Variants in SCRN3 observed in about 807,000 individuals in gnomAD.
SCRN3 encodes secernin 3, also known as secernin-3.
In SCRN3, 39 loss-of-function variants were observed where a neutral mutation model predicts 43.1. The ratio of observed to expected loss-of-function variants is 0.91; its 90% confidence interval spans 0.70 to 1.18. The LOEUF (loss-of-function observed/expected upper bound fraction) is 1.18, where lower values mean the gene tolerates loss of function less well. SCRN3 is among the 50% of genes most tolerant of loss of function. The probability of loss-of-function intolerance (pLI) is 0.00; values close to 1 mark genes in which losing one functional copy is unlikely to be tolerated. For synonymous variants in SCRN3, 147 were observed against 163.1 expected, an observed-to-expected ratio of 0.90 and a Z score of 0.75; for missense variants, 484 against 498.0, an observed-to-expected ratio of 0.97 and a Z score of 0.27.
At chr2:174,426,977 C>T (rs1392645417) in intron 7 of SCRN3, among the ~76,000 whole-genome samples, 12 of 151,890 alleles carry the variant, frequency 7.9e-5, no homozygotes, top group Non-Finnish European at 1.3e-4. Context: ...GGACTACAGG[C>T]GTGCGCCACC....
At chr2:174,424,416 C>A (rs3739150) in intron 6 of SCRN3, 59 bp from the exon 7 acceptor site, 372,823 of 1,212,356 alleles carry the variant, frequency 0.31, 60,318 homozygotes, top group Middle Eastern at 0.47. Context: ...AAGACTTAGA[C>A]TAACACTGAA....
intron 1 of SCRN3, 168 bp downstream of exon 1, chr2:174,395,985 C>A: frequency 7.3e-7 from 1 of 1,379,266 alleles, no homozygotes; most frequent in Non-Finnish European, 9.3e-7. Context: ...GCCCTTCGAC[C>A]AAAGGTGCTT....
At chr2:174,397,737 A>C (rs1685372028) in intron 1 of SCRN3, among the ~76,000 whole-genome samples, 3 of 152,212 alleles carry the variant, frequency 2.0e-5, no homozygotes, top group Non-Finnish European at 4.4e-5. Flanking sequence ...CACGAATGTA[A>C]TGGAATCTAG....
rs577516334 is a variant in SCRN3, at chr2:174,408,488, T to C, written c.754+4173T>C. ...AAGTTAATATTGTTATGTGTGAATT[T>C]GATCCTGTCATTATGATGATAGCTG... On this transcript the variant is annotated intron_variant, in intron 5 of 7. Coordinates refer to ENST00000272732, the MANE Select transcript of SCRN3 (RefSeq NM_024583.5). 9.7e-3 allele frequency among the ~76,000 whole-genome samples: 1,453 copies of C among 149,708 alleles called. 31 individuals are homozygous for C. Among genetic ancestry groups the C allele is most frequent in the African/African-American group, 0.033 (1,377 of 41,180 alleles).
intron 5 of SCRN3, among the ~76,000 whole-genome samples, chr2:174,415,411 T>C (rs977331775): frequency 2.0e-5 from 3 of 152,194 alleles, no homozygotes; most frequent in Non-Finnish European, 2.9e-5. Context: ...TACTGAAAAT[T>C]TGTAATTGCT....
intron 5 of SCRN3, among the ~76,000 whole-genome samples, chr2:174,406,747 A>C (rs1685709570): frequency 7.4e-6 from 1 of 135,248 alleles, no homozygotes; most frequent in African/African-American, 2.6e-5. Flanking sequence ...CTCTGTTTAT[A>C]TGCTGGATTA....
intron 3 of SCRN3, among the ~76,000 whole-genome samples, chr2:174,400,722 T>C (rs529264787): frequency 2.6e-5 from 4 of 152,342 alleles, no homozygotes; most frequent in Admixed American, 1.3e-4. Context: ...GTGCTCATTT[T>C]ACAAATGAGA....
chr2:174,398,239 G>GT lies in SCRN3; in HGVS notation c.-9-34dup, dbSNP rs775411044. The GT allele has an allele frequency of 2.2e-3, 2,860 of 1,321,908 alleles. 51 individuals carry two copies. The African/African-American group carries it at 0.033, about 15-fold the overall frequency. 81.9% of individuals were successfully genotyped at this position (1,321,908 alleles called of 1,614,324 possible). A position where few individuals can be genotyped will look rare whatever the true frequency, so the allele number is the denominator to read the frequency against. Reference sequence around the variant, plus strand: ...TCTTTATTTTTATATACTTAAAAGTGTTCTTTTTATTTTAAAACATCTGTA... The same window carrying GT: ...TCTTTATTTTTATATACTTAAAAGTGTTTCTTTTTATTTTAAAACATCTGTA... On this transcript the variant is annotated intron_variant, in intron 1 of 7. Coordinates refer to ENST00000272732, the MANE Select transcript of SCRN3 (RefSeq NM_024583.5).
At chr2:174,418,198 A>C (rs1266290343) in intron 5 of SCRN3, among the ~76,000 whole-genome samples, 2 of 152,236 alleles carry the variant, frequency 1.3e-5, no homozygotes, top group African/African-American at 4.8e-5. Flanking sequence ...TGATTATAGG[A>C]ATAGATGCAT....
At chr2:174,406,911 T>G (rs535349076) in intron 5 of SCRN3, among the ~76,000 whole-genome samples, 16,527 of 119,514 alleles carry the variant, frequency 0.14, 1,696 homozygotes, top group Non-Finnish European at 0.22. Flanking sequence ...GATATTGGTC[T>G]AAAATTCTCT....
chr2:174,398,167 T>C (rs1685386403), intron 1 of SCRN3, 108 bp from the exon 2 acceptor site: 19 of 656,870 alleles, frequency 2.9e-5, no homozygotes, highest in Non-Finnish European at 4.3e-5. Flanking sequence ...TTAATGAACA[T>C]CCTTAATTAG....
In SCRN3 at chr2:174,428,544, T is replaced by C. The variant is rs1372095328; in HGVS notation, c.*649T>C. 6.6e-6 allele frequency: 1 copy of C among 152,318 alleles called. No homozygotes were observed. The highest frequency in any genetic ancestry group is 1.5e-5 in the Non-Finnish European group (1 of 68,016). 9.4% of individuals were successfully genotyped at this position (152,318 alleles called of 1,614,324 possible). The stretch of plus-strand genomic sequence containing the variant: ...AATAGGCTTTTATGTTAATAAGATA[T>C]ATTTTTAGAAGAGCTTGTTTGGGAG... On this transcript the variant is annotated 3_prime_UTR_variant, in exon 8 of 8. Coordinates refer to ENST00000272732, the MANE Select transcript of SCRN3 (RefSeq NM_024583.5).
At chr2:174,405,902 G>C (rs1010127931) in intron 5 of SCRN3, among the ~76,000 whole-genome samples, 6 of 146,282 alleles carry the variant, frequency 4.1e-5, no homozygotes, top group African/African-American at 1.5e-4. Context: ...GATTCCTCCA[G>C]CTTTGTTCTT....
chr2:174,414,171 C>T (rs1173640556), intron 5 of SCRN3, among the ~76,000 whole-genome samples: 1 of 152,092 alleles, frequency 6.6e-6, no homozygotes, highest in African/African-American at 2.4e-5. Flanking sequence ...GAGGATTGGC[C>T]TGATAGGAGC....
rs1432438098 is a variant in SCRN3, at chr2:174,424,596, C to T, written c.1039C>T (p.His347Tyr). 1 of 1,613,286 alleles carries T rather than the reference C, an allele frequency of 6.2e-7. No homozygotes were observed. Among genetic ancestry groups the T allele is most frequent in the South Asian group, 1.1e-5 (1 of 90,992 alleles). The change falls in exon 7 of 8, where the codon CAC (histidine) becomes TAC (tyrosine). Residue 347 changes from histidine (H) to tyrosine (Y), a missense_variant. Physicochemically the swap from His to Tyr is moderately conservative, Grantham distance 83 (BLOSUM62 2). Coordinates refer to ENST00000272732, the MANE Select transcript of SCRN3 (RefSeq NM_024583.5). ...KKSHFKPDRR[H>Y]PLYQKHQQAL... Reference sequence around the variant, plus strand: ...ATCACATTTTAAGCCTGACAGAAGACACCCACTCTACCAAAAACATCAACA... The same window carrying T: ...ATCACATTTTAAGCCTGACAGAAGATACCCACTCTACCAAAAACATCAACA...
At chr2:174,426,981 C>T (rs544041695) in intron 7 of SCRN3, among the ~76,000 whole-genome samples, 21 of 151,772 alleles carry the variant, frequency 1.4e-4, no homozygotes, top group East Asian at 4.0e-4. Context: ...TACAGGCGTG[C>T]GCCACCACGC....
chr2:174,425,145 C>T (rs1270305396), intron 7 of SCRN3, among the ~76,000 whole-genome samples: 1 of 152,124 alleles, frequency 6.6e-6, no homozygotes, highest in Non-Finnish European at 1.5e-5. Flanking sequence ...ACCCCAGAGA[C>T]TTAAAATAAT....
intron 3 of SCRN3, 30 bp downstream of exon 3, chr2:174,400,133 AC>A (rs1167530177): frequency 7.0e-7 from 1 of 1,420,794 alleles, no homozygotes; most frequent in Non-Finnish European, 9.4e-7. Flanking sequence ...TATACTACAG[AC>A]CTTGTCTAAA....
At chr2:174,414,075 C>A (rs1686020626) in intron 5 of SCRN3, among the ~76,000 whole-genome samples, 1 of 152,112 alleles carries the variant, frequency 6.6e-6, no homozygotes, top group Non-Finnish European at 1.5e-5. Flanking sequence ...ACCTTTCCTC[C>A]AGAATGTTAC....
Sources: allele counts gnomAD v4.1 joint callset (sites outside exome capture counted in the v4.1 genomes callset), GRCh38; gene constraint gnomAD v4.1.1; transcripts MANE v1.5; gene names NCBI Gene and HGNC (gene_info 2026-07-23, HGNC 2026-07-21).